Variants in LIPC observed in about 807,000 individuals in gnomAD.
LIPC encodes hepatic triacylglycerol lipase.
In LIPC, 44 loss-of-function variants were observed where a neutral mutation model predicts 50.7. The ratio of observed to expected loss-of-function variants is 0.87; its 90% CI spans 0.68 to 1.11. The LOEUF (loss-of-function observed/expected upper bound fraction) is 1.11. Ranked by LOEUF, LIPC falls within the 50% of genes most tolerant of loss-of-function variation. The probability of loss-of-function intolerance (pLI) is 0.00; values close to 1 mark genes in which losing one functional copy is unlikely to be tolerated. For synonymous variants in LIPC, 271 were observed against 256.4 expected, an observed-to-expected ratio of 1.06 and a Z score of -0.54; for missense variants, 697 against 648.2, an observed-to-expected ratio of 1.08 and a Z score of -0.82.
intron 7 of LIPC, among the ~76,000 whole-genome samples, chr15:58,562,523 G>A (rs1894200166): frequency 6.6e-6 from 1 of 152,066 alleles, no homozygotes; most frequent in Admixed American, 6.6e-5. Context: ...AGCCTCTCTG[G>A]CCTCTCAACC....
intron 1 of LIPC, among the ~76,000 whole-genome samples, chr15:58,506,961 G>A (rs1375206438): frequency 2.0e-5 from 3 of 152,198 alleles, no homozygotes; most frequent in African/African-American, 2.4e-5. Context: ...GCAAATGGTG[G>A]CAACAAGGAG....
intron 1 of LIPC, among the ~76,000 whole-genome samples, chr15:58,530,080 A>G (rs888500113): frequency 2.0e-5 from 3 of 152,230 alleles, no homozygotes; most frequent in African/African-American, 7.2e-5. Context: ...TCCTTGATTG[A>G]TAAGAGAAGG....
chr15:58,510,276 C>T (rs1469822000), intron 1 of LIPC, among the ~76,000 whole-genome samples: 3 of 152,142 alleles, frequency 2.0e-5, no homozygotes, highest in African/African-American at 7.2e-5. Context: ...ATGCTGTGGG[C>T]TAGGGCATGG....
At chr15:58,537,096 T>C (rs1181909957) in intron 1 of LIPC, among the ~76,000 whole-genome samples, 1 of 152,218 alleles carries the variant, frequency 6.6e-6, no homozygotes, top group Non-Finnish European at 1.5e-5. Flanking sequence ...GCCCACCTTC[T>C]ACCAGAAGGA....
chr15:58,500,294 GCTGTGAGATGATT>G (rs377009220), intron 1 of LIPC, among the ~76,000 whole-genome samples: 3,789 of 152,242 alleles, frequency 0.025, 85 homozygotes, highest in Non-Finnish European at 0.037. Flanking sequence ...TGCTGCATAG[GCTGTGAGATGATT>G]TTGTGAGATG....
At chr15:58,550,540 C>T (rs1185051255) in intron 6 of LIPC, among the ~76,000 whole-genome samples, 9 of 152,178 alleles carry the variant, frequency 5.9e-5, no homozygotes, top group African/African-American at 2.2e-4. Context: ...GCATCATTAT[C>T]TCACCCACCA....
chr15:58,542,580 G>T lies in LIPC; in HGVS notation c.503G>T (p.Ser168Ile), dbSNP rs200722587. 10 of 1,613,802 alleles carry T rather than the reference G, an allele frequency of 6.2e-6. No homozygotes were observed. In the African/African-American group the frequency reaches 6.7e-5, roughly 11 times the overall value. Reference protein sequence around the residue: ...SRSHVHLIGYSLGAHVSGFAG... With the variant: ...SRSHVHLIGYILGAHVSGFAG... ...AGCCATGTTCACCTAATTGGGTACA[G>T]CCTGGGTGCACACGTGTCAGGATTT... The change falls in exon 4 of 9, where the codon AGC becomes ATC. Residue 168 changes from serine (S) to isoleucine (I), a missense_variant. By Grantham distance (142) the Ser-to-Ile change is moderately radical. Transcript: ENST00000299022.
intron 1 of LIPC, among the ~76,000 whole-genome samples, chr15:58,453,426 A>G (rs1893985050): frequency 6.6e-6 from 1 of 152,150 alleles, no homozygotes; most frequent in Non-Finnish European, 1.5e-5. Context: ...CTTGAACTCT[A>G]GAGACTAACA....
chr15:58,491,671 C>T (rs1282100156), intron 1 of LIPC, among the ~76,000 whole-genome samples: 4 of 152,168 alleles, frequency 2.6e-5, no homozygotes, highest in Non-Finnish European at 5.9e-5. Flanking sequence ...ACTTCACAGT[C>T]GTACTTTTAT....
chr15:58,561,628 A>T (rs1448382706), intron 7 of LIPC, among the ~76,000 whole-genome samples: 2 of 152,232 alleles, frequency 1.3e-5, no homozygotes, highest in Non-Finnish European at 2.9e-5. Context: ...AGATTTTCCC[A>T]CCACAAGACA....
chr15:58,455,370 C>A (rs1489249371), intron 1 of LIPC, among the ~76,000 whole-genome samples: 4 of 152,140 alleles, frequency 2.6e-5, no homozygotes, highest in African/African-American at 9.7e-5. Flanking sequence ...TTCACAAAAA[C>A]ACATGGTGCA....
chr15:58,560,903 C>G lies in LIPC; in HGVS notation c.1091C>G (p.Thr364Ser), dbSNP rs1419533561. ...YQFKIQFINQ[T>S]ETPIQTTFTM... The stretch of plus-strand genomic sequence containing the variant: ...TTCAAGATCCAGTTCATCAACCAAA[C>G]TGAGACACCAATACAAACAACTTTT... Residue 364 changes from threonine (T) to serine (S), a missense_variant, in exon 7 of 9, where the codon ACT becomes AGT. Transcript: ENST00000299022. 1.3e-6 allele frequency: 2 copies of G among 1,500,096 alleles called. No homozygotes were observed. The highest frequency in any genetic ancestry group is 1.9e-6 in the Non-Finnish European group (2 of 1,075,686). 92.9% of individuals were successfully genotyped at this position (1,500,096 alleles called of 1,614,324 possible). A position where few individuals can be genotyped will look rare whatever the true frequency, so the allele number is the denominator to read the frequency against.
At chr15:58,495,291 C>G (rs754202428) in intron 1 of LIPC, among the ~76,000 whole-genome samples, 5 of 152,242 alleles carry the variant, frequency 3.3e-5, no homozygotes, top group Non-Finnish European at 7.3e-5. Context: ...CTGAGCACCT[C>G]TGGGCCTTCT....
Position 58,560,978 on chromosome 15 carries a change from C to A in LIPC, c.1166C>A (p.Thr389Asn), listed in dbSNP as rs748438683. 2.8e-6 allele frequency: 4 copies of A among 1,424,682 alleles called. No individual in the cohort carries two copies. In the South Asian group the frequency reaches 4.6e-5, roughly 16 times the overall value. The allele number at this position is 1,424,682 out of a possible 1,614,324, so 88.3% of individuals were successfully genotyped here. A position where few individuals can be genotyped will look rare whatever the true frequency, so the allele number is the denominator to read the frequency against. Residue 389 changes from threonine to asparagine, a missense_variant, in exon 7 of 9, where the codon ACT becomes AAT. Coordinates refer to ENST00000299022, the MANE Select transcript of LIPC (RefSeq NM_000236.3). ...GAGAAAATGCAGAAAATTCCCATCACTCTGTGAGTAGGAGGTGTAGCCCCC... is the reference window on the plus strand; with the variant it reads ...GAGAAAATGCAGAAAATTCCCATCAATCTGTGAGTAGGAGGTGTAGCCCCC... ...TKEKMQKIPI[T>N]LGKGIASNKT...
chr15:58,453,244 G>T (rs1893978204), intron 1 of LIPC, among the ~76,000 whole-genome samples: 1 of 152,076 alleles, frequency 6.6e-6, no homozygotes, highest in African/African-American at 2.4e-5. Context: ...AAACTCCTAT[G>T]GATACAGGTC....
intron 6 of LIPC, among the ~76,000 whole-genome samples, chr15:58,555,868 G>A (rs1893929455): frequency 6.6e-6 from 1 of 152,178 alleles, no homozygotes; most frequent in African/African-American, 2.4e-5. Flanking sequence ...CGGGGGAGCA[G>A]AGGGAAAATG....
rs117889685 is a variant in LIPC, at chr15:58,500,528, G to A, written c.89-37805G>A. 5.8e-4 allele frequency among the ~76,000 whole-genome samples: 88 copies of A among 152,254 alleles called. 1 individual carries two copies. The East Asian group carries it at 0.015, about 25-fold the overall frequency. On this transcript the variant is annotated intron_variant, in intron 1 of 8. Transcript: ENST00000299022. Reference sequence around the variant, plus strand: ...TTCTGAAACACATGCTTCAGACAGCGCAGTCTACAGTCACTTGAGGGCTGG... The same window carrying A: ...TTCTGAAACACATGCTTCAGACAGCACAGTCTACAGTCACTTGAGGGCTGG...
At chr15:58,531,505 GA>G (rs1406736625) in intron 1 of LIPC, among the ~76,000 whole-genome samples, 1 of 150,488 alleles carries the variant, frequency 6.6e-6, no homozygotes, top group Non-Finnish European at 1.5e-5. Flanking sequence ...GAATTTAAGA[GA>G]AAAGTTTAGA....
At chr15:58,521,304 T>C (rs1439073319) in intron 1 of LIPC, 3 of 152,094 alleles carry the variant, frequency 2.0e-5, no homozygotes, top group African/African-American at 4.8e-5. Context: ...ACCACACAGA[T>C]GCATAAGACA....
Sources: gnomAD v4.1 joint callset for allele counts (sites outside exome capture counted in the v4.1 genomes callset) on GRCh38, gnomAD v4.1.1 for gene constraint, MANE v1.5 for transcripts, NCBI Gene and HGNC (gene_info 2026-07-23, HGNC 2026-07-21) for gene names.